Variants in WWOX observed in about 807,000 individuals in gnomAD.
WWOX encodes the protein WW domain-containing oxidoreductase.
A neutral mutation model predicts 46.2 loss-of-function variants in WWOX; 69 were observed. The observed-to-expected ratio is 1.49, with a 90% CI of 1.23 to 1.82. The LOEUF is 1.82. WWOX is among the 40% of genes most tolerant of loss of function. WWOX has a pLI of 0.00. For synonymous variants in WWOX, 359 were observed against 202.6 expected (o/e 1.77, Z -6.56); for missense variants, 919 against 542.6 (o/e 1.69, Z -6.89).
At chr16:78,626,642 A>C (rs1187296303) in intron 8 of WWOX, among the ~76,000 whole-genome samples, 1 of 152,034 alleles carries the variant, frequency 6.6e-6, no homozygotes. Context: ...CTTTCCCTCT[A>C]CTTTCCACAC....
chr16:78,444,088 G>C (rs1393502527), intron 8 of WWOX, among the ~76,000 whole-genome samples: 1 of 152,174 alleles, frequency 6.6e-6, no homozygotes, highest in Admixed American at 6.5e-5. Context: ...CTGGTGCTCA[G>C]AATCGTTTGG....
At chr16:78,425,820 C>G (rs1023388832) in intron 7 of WWOX, among the ~76,000 whole-genome samples, 1 of 152,052 alleles carries the variant, frequency 6.6e-6, no homozygotes, top group Non-Finnish European at 1.5e-5. Flanking sequence ...GGGGAACTTA[C>G]ACTCTTAGCA....
intron 8 of WWOX, among the ~76,000 whole-genome samples, chr16:78,710,473 C>CATATATATATATATATATATATATTT (rs2048416168): frequency 3.1e-5 from 2 of 63,622 alleles, no homozygotes; most frequent in Non-Finnish European, 6.4e-5. Context: ...TAATGGATCT[C>CATATATATATATATATATATATATTT]ATATATATAT....
At chr16:78,234,446 G>T (rs1003916029) in intron 5 of WWOX, among the ~76,000 whole-genome samples, 9 of 152,082 alleles carry the variant, frequency 5.9e-5, no homozygotes, top group Non-Finnish European at 1.3e-4. Flanking sequence ...CCATACCGCT[G>T]GCTAAAGTGG....
intron 8 of WWOX, among the ~76,000 whole-genome samples, chr16:78,749,986 G>C (rs182272755): frequency 1.3e-5 from 2 of 152,290 alleles, no homozygotes; most frequent in Admixed American, 6.5e-5. Context: ...GTGACTCTCA[G>C]CTCCCCCCAA....
chr16:79,163,670 T>C (rs2050531534), intron 8 of WWOX, among the ~76,000 whole-genome samples: 1 of 151,862 alleles, frequency 6.6e-6, no homozygotes, highest in South Asian at 2.1e-4. Flanking sequence ...TAGTGGTGCA[T>C]GCCTGTAATC....
chr16:78,524,460 G>T (rs2043415664), intron 8 of WWOX, among the ~76,000 whole-genome samples: 1 of 151,656 alleles, frequency 6.6e-6, no homozygotes, highest in African/African-American at 2.4e-5. Context: ...TTGCTCTTTT[G>T]CCCAAGCTGG....
At chr16:78,263,590 GCAGAGA>G (rs2079292896) in intron 5 of WWOX, among the ~76,000 whole-genome samples, 1 of 152,122 alleles carries the variant, frequency 6.6e-6, no homozygotes, top group South Asian at 2.1e-4. Flanking sequence ...TCATAGCTTT[GCAGAGA>G]CTTTGTGATG....
At position 78,791,858 on chromosome 16, in the gene WWOX, C is replaced by T. The variant is rs770365583; in HGVS notation, c.1056+359106C>T. Among the ~76,000 whole-genome samples, 13 of 152,104 alleles carry T rather than the reference C, an allele frequency of 8.5e-5. 1 individual carries two copies. The East Asian group carries it at 1.2e-3, about 14-fold the overall frequency. On this transcript the variant is annotated intron_variant, in intron 8 of 8. Transcript: ENST00000566780. ...TCGCGCCACTGCACTGCAGCCTGGG[C>T]GACAGTGAAACTTTTGTCTCAAAAA...
chr16:79,206,138 TCTC>T (rs911864384), intron 8 of WWOX: 3 of 151,946 alleles, frequency 2.0e-5, no homozygotes, highest in African/African-American at 4.8e-5. Context: ...GAAAAAAAAA[TCTC>T]CTTTTAACAT....
intron 5 of WWOX, among the ~76,000 whole-genome samples, chr16:78,189,998 A>G (rs1005767676): frequency 6.6e-6 from 1 of 151,920 alleles, no homozygotes; most frequent in Non-Finnish European, 1.5e-5. Context: ...TCCCACCCAA[A>G]CCTTTCCTAT....
intron 8 of WWOX, among the ~76,000 whole-genome samples, chr16:79,136,450 T>G (rs1231275718): frequency 6.6e-6 from 1 of 152,068 alleles, no homozygotes; most frequent in Non-Finnish European, 1.5e-5. Flanking sequence ...AGGATGGTCT[T>G]GATCTCCTGA....
chr16:78,947,833 G>A (rs1029058620), intron 8 of WWOX, among the ~76,000 whole-genome samples: 1 of 152,168 alleles, frequency 6.6e-6, no homozygotes. Context: ...TATAGGAGAA[G>A]CTCCAAAATA....
chr16:78,533,933 C>T (rs967405433), intron 8 of WWOX, among the ~76,000 whole-genome samples: 1 of 152,184 alleles, frequency 6.6e-6, no homozygotes, highest in Non-Finnish European at 1.5e-5. Context: ...GTAACCAGTA[C>T]AGTGCCAGAT....
chr16:78,697,174 A>T lies in WWOX; in HGVS notation c.1056+264422A>T, dbSNP rs186791644. ...TAAGGACTTCTTTTCCTCTGGGAAG[A>T]TACCCATTAGTGGGATTGCTGGATC... On this transcript the variant is annotated intron_variant, in intron 8 of 8. Transcript: ENST00000566780. Among the ~76,000 whole-genome samples the T allele has an allele frequency of 4.3e-4, 65 of 152,314 alleles. 1 individual carries two copies. In the East Asian group the frequency reaches 0.012, roughly 27 times the overall value.
chr16:78,695,906 G>C (rs1346845405), intron 8 of WWOX, among the ~76,000 whole-genome samples: 1 of 152,200 alleles, frequency 6.6e-6, no homozygotes, highest in Non-Finnish European at 1.5e-5. Flanking sequence ...GGTTCTCAAA[G>C]TGGGGTCCCT....
intron 8 of WWOX, among the ~76,000 whole-genome samples, chr16:79,002,823 A>G (rs1420849369): frequency 6.6e-6 from 1 of 152,190 alleles, no homozygotes; most frequent in Non-Finnish European, 1.5e-5. Flanking sequence ...CATGCTCATA[A>G]TCACTAAGTT....
chr16:78,779,216 C>G (rs1340650498), intron 8 of WWOX, among the ~76,000 whole-genome samples: 3 of 152,164 alleles, frequency 2.0e-5, no homozygotes, highest in Non-Finnish European at 4.4e-5. Context: ...ATGATCTTGG[C>G]TCAGTACAAC....
At chr16:78,205,789 A>T (rs1046511454) in intron 5 of WWOX, among the ~76,000 whole-genome samples, 1 of 151,040 alleles carries the variant, frequency 6.6e-6, no homozygotes, top group African/African-American at 2.4e-5. Context: ...TCCTTCACCC[A>T]TCTGGCCATC....
Sources: gnomAD v4.1 joint callset for allele counts (sites outside exome capture counted in the v4.1 genomes callset) on GRCh38, gnomAD v4.1.1 for gene constraint, MANE v1.5 for transcripts, NCBI Gene and HGNC (gene_info 2026-07-23, HGNC 2026-07-21) for gene names.